Variants in DENND1A observed in about 807,000 individuals in gnomAD.
DENND1A encodes DENN domain-containing protein 1A.
In DENND1A, 51 loss-of-function variants were observed where a neutral mutation model predicts 113.7. That is an observed-to-expected ratio of 0.45 (90% confidence interval 0.36 to 0.57). The LOEUF is 0.57. DENND1A is among the 20% of genes least tolerant of loss of function. The pLI is 0.00. For synonymous variants in DENND1A, 565 were observed against 570.8 expected (o/e 0.99, Z 0.14); for missense variants, 1,258 against 1,395.9 (o/e 0.90, Z 1.57).
At chr9:123,500,367 G>A (rs901445529) in intron 13 of DENND1A, among the ~76,000 whole-genome samples, 5 of 152,184 alleles carry the variant, frequency 3.3e-5, no homozygotes, top group African/African-American at 4.8e-5. Flanking sequence ...TTCTTAAAAG[G>A]AAACTGAGGC....
At chr9:123,535,611 A>G (rs973291809) in intron 13 of DENND1A, among the ~76,000 whole-genome samples, 4 of 152,018 alleles carry the variant, frequency 2.6e-5, no homozygotes, top group Non-Finnish European at 5.9e-5. Context: ...ACTTGTGTCT[A>G]CCTCAGGTTT....
At chr9:123,633,147 AC>A (rs61619633) in intron 9 of DENND1A, among the ~76,000 whole-genome samples, 3,066 of 151,946 alleles carry the variant, frequency 0.02, 93 homozygotes, top group African/African-American at 0.071. Context: ...ACCTCAAGTG[AC>A]CCACCCACCT....
At chr9:123,469,355 C>G (rs1344487336) in intron 13 of DENND1A, among the ~76,000 whole-genome samples, 7 of 152,246 alleles carry the variant, frequency 4.6e-5, no homozygotes, top group Non-Finnish European at 8.8e-5. Context: ...TTTGCAGGGG[C>G]AGGCATGGCC....
chr9:123,796,629 C>G (rs1833803000), intron 2 of DENND1A, among the ~76,000 whole-genome samples: 1 of 152,040 alleles, frequency 6.6e-6, no homozygotes, highest in South Asian at 2.1e-4. Flanking sequence ...TGAGTTCTGC[C>G]TTAGGCTTAA....
chr9:123,383,950 G>A (rs1397420653), intron 22 of DENND1A, 37 bp from the exon 23 acceptor site: 2 of 1,582,982 alleles, frequency 1.3e-6, no homozygotes, highest in South Asian at 1.1e-5. Context: ...CTCCCACCCA[G>A]GCCTTCAGGG....
At position 123,560,689 on chromosome 9, in the gene DENND1A, C is replaced by CAA. The variant is rs202038661; in HGVS notation, c.868-2996_868-2995dup. Among the ~76,000 whole-genome samples, 240 of 110,690 alleles carry CAA rather than the reference C, an allele frequency of 2.2e-3. 3 individuals carry two copies. Among genetic ancestry groups the CAA allele is most frequent in the Admixed American group, 0.01 (115 of 11,006 alleles). The allele number at this position is 110,690 out of a possible 152,430, so 72.6% of individuals were successfully genotyped here. Reference sequence around the variant, plus strand: ...TGGGTGACAGAGTGAGACCCTGTCTCAAAAAAAAAAAAAAAGGAAAAGTAA... The same window carrying CAA: ...TGGGTGACAGAGTGAGACCCTGTCTCAAAAAAAAAAAAAAAAAGGAAAAGTAA... On this transcript the variant is annotated intron_variant, in intron 12 of 23. Coordinates refer to ENST00000394215, the MANE Select transcript of DENND1A (RefSeq NM_001352964.2).
intron 13 of DENND1A, among the ~76,000 whole-genome samples, chr9:123,527,696 G>A (rs2054957839): frequency 6.6e-6 from 1 of 152,092 alleles, no homozygotes; most frequent in East Asian, 1.9e-4. Context: ...GTCATTTTCT[G>A]CACTGGTCTG....
chr9:123,536,478 A>AAG (rs964487424), intron 13 of DENND1A, among the ~76,000 whole-genome samples: 1 of 151,558 alleles, frequency 6.6e-6, no homozygotes, highest in African/African-American at 2.4e-5. Context: ...AAAAAAAAAA[A>AAG]AAAAGAAAAA....
At chr9:123,468,902 G>C (rs1588681242) in intron 13 of DENND1A, among the ~76,000 whole-genome samples, 1 of 152,204 alleles carries the variant, frequency 6.6e-6, no homozygotes, top group Non-Finnish European at 1.5e-5. Context: ...CCAGAAGGGA[G>C]ATCTTCTGAA....
chr9:123,758,362 G>A (rs1259359643), intron 4 of DENND1A, among the ~76,000 whole-genome samples: 2 of 152,162 alleles, frequency 1.3e-5, no homozygotes, highest in African/African-American at 4.8e-5. Flanking sequence ...TCATATATGC[G>A]TAGACCATCT....
intron 5 of DENND1A, among the ~76,000 whole-genome samples, chr9:123,697,548 T>TC (rs1296718403): frequency 1.3e-5 from 2 of 152,172 alleles, no homozygotes; most frequent in East Asian, 3.9e-4. Flanking sequence ...GTCCCATTCT[T>TC]CCCCTCAAGT....
intron 2 of DENND1A, among the ~76,000 whole-genome samples, chr9:123,861,127 C>T (rs942399089): frequency 6.6e-5 from 10 of 152,114 alleles, no homozygotes; most frequent in Non-Finnish European, 1.3e-4. Flanking sequence ...CAGTCCAATG[C>T]CTATTCCTCC....
chr9:123,386,142 G>T (rs1188131445), intron 22 of DENND1A, among the ~76,000 whole-genome samples: 1 of 152,122 alleles, frequency 6.6e-6, no homozygotes, highest in Non-Finnish European at 1.5e-5. Context: ...TTTCCCAAAA[G>T]GTGTTTTAAA....
chr9:123,750,695 A>T (rs2069943450), intron 5 of DENND1A, among the ~76,000 whole-genome samples: 1 of 152,212 alleles, frequency 6.6e-6, no homozygotes, highest in Non-Finnish European at 1.5e-5. Context: ...AACACTCAAA[A>T]GGCAAAGGAA....
At chr9:123,618,697 G>A (rs111235380) in intron 10 of DENND1A, among the ~76,000 whole-genome samples, 2 of 152,304 alleles carry the variant, frequency 1.3e-5, no homozygotes, top group African/African-American at 4.8e-5. Context: ...CCCTATGTGG[G>A]AAGGTCACTC....
intron 18 of DENND1A, among the ~76,000 whole-genome samples, chr9:123,443,108 G>A (rs1414426975): frequency 6.6e-6 from 1 of 152,120 alleles, no homozygotes; most frequent in Non-Finnish European, 1.5e-5. Context: ...GAGGAAATAG[G>A]GCTCAGAAGG....
intron 13 of DENND1A, among the ~76,000 whole-genome samples, chr9:123,524,983 G>A (rs2054699230): frequency 1.3e-5 from 2 of 152,250 alleles, no homozygotes; most frequent in Non-Finnish European, 1.5e-5. Context: ...AGGACAGGGA[G>A]TAGATAGGCA....
chr9:123,565,955 T>C (rs2136223458), intron 12 of DENND1A, among the ~76,000 whole-genome samples: 1 of 152,264 alleles, frequency 6.6e-6, no homozygotes, highest in South Asian at 2.1e-4. Context: ...CAAATGACAA[T>C]GACAAGTATT....
chr9:123,388,249 A>G (rs780202413), intron 21 of DENND1A, among the ~76,000 whole-genome samples: 14 of 152,246 alleles, frequency 9.2e-5, no homozygotes, highest in Non-Finnish European at 1.9e-4. Context: ...CGTAATGTTT[A>G]TGAAGACAAA....
Sources: gnomAD v4.1 joint callset for allele counts (sites outside exome capture counted in the v4.1 genomes callset) on GRCh38, gnomAD v4.1.1 for gene constraint, MANE v1.5 for transcripts, NCBI Gene and HGNC (gene_info 2026-07-23, HGNC 2026-07-21) for gene names.